ANKIB1: variants seen among roughly 807,000 people sequenced by gnomAD.
ANKIB1 encodes ankyrin repeat and IBR domain containing 1.
Under a neutral mutation model 122.1 loss-of-function variants are expected in ANKIB1, and 43 were observed. The ratio of observed to expected loss-of-function variants is 0.35; its 90% CI spans 0.28 to 0.45. The LOEUF is 0.45. ANKIB1 is among the 20% of genes least tolerant of loss of function. ANKIB1 has a pLI of 1.00. For missense variants in ANKIB1, 992 were observed against 1,329.5 expected (o/e 0.75, Z 3.95); for synonymous variants, 390 against 442.0 (o/e 0.88, Z 1.48).
Position 92,380,852 on chromosome 7 carries a change from C to T in ANKIB1, c.1618-5657C>T, listed in dbSNP as rs187399925. 2.5e-3 allele frequency among the ~76,000 whole-genome samples: 374 copies of T among 152,318 alleles called. 2 individuals are homozygous for T. Among genetic ancestry groups the T allele is most frequent in the Non-Finnish European group, 4.6e-3 (310 of 68,030 alleles). ...TAAAAACCAGAGCGCCCCATCTCCT[C>T]CAGAGGATTGCAGCTCCTCGCCAGC... is the stretch of plus-strand genomic sequence containing the variant. On this transcript the variant is annotated intron_variant, in intron 11 of 19. Coordinates refer to ENST00000265742, the MANE Select transcript of ANKIB1 (RefSeq NM_019004.2).
At chr7:92,266,356 G>A (rs971181279) in intron 1 of ANKIB1, among the ~76,000 whole-genome samples, 1 of 152,166 alleles carries the variant, frequency 6.6e-6, no homozygotes, top group African/African-American at 2.4e-5. Context: ...ATTACCTACT[G>A]AGGGGAAAAG....
intron 7 of ANKIB1, among the ~76,000 whole-genome samples, chr7:92,347,200 A>G (rs774654368): frequency 1.3e-5 from 2 of 152,224 alleles, no homozygotes; most frequent in African/African-American, 2.4e-5. Flanking sequence ...ACAGTGGCCC[A>G]CAGGCTGCAT....
At chr7:92,259,846 TCTC>T (rs1801523387) in intron 1 of ANKIB1, among the ~76,000 whole-genome samples, 1 of 152,104 alleles carries the variant, frequency 6.6e-6, no homozygotes, top group South Asian at 2.1e-4. Flanking sequence ...ATTTTTGTCT[TCTC>T]TCTCACTTCT....
chr7:92,311,761 T>C (rs534525823), intron 3 of ANKIB1, among the ~76,000 whole-genome samples: 1 of 151,848 alleles, frequency 6.6e-6, no homozygotes, highest in East Asian at 1.9e-4. Flanking sequence ...TTAAAACCCC[T>C]TAATTATAGA....
Position 92,294,990 on chromosome 7 carries a change from A to C in ANKIB1, c.12A>C (p.Thr4=). 6 of 1,598,296 alleles carry C rather than the reference A, an allele frequency of 3.8e-6. No homozygotes were observed. Among genetic ancestry groups the C allele is most frequent in the Non-Finnish European group, 5.1e-6 (6 of 1,172,118 alleles). MGN[T]TTKFRKALIN... The stretch of plus-strand genomic sequence containing the variant: ...AAACAAAACAAAACATGGGAAATAC[A>C]ACCACCAAATTCCGTAAAGCACTCA... The change falls in exon 2 of 20, where the codon ACA becomes ACC. Residue 4 remains threonine (T), a synonymous_variant. Coordinates refer to ENST00000265742, the MANE Select transcript of ANKIB1 (RefSeq NM_019004.2).
At chr7:92,370,508 C>CAAAAAAAAAAAA (rs34318038) in intron 10 of ANKIB1, among the ~76,000 whole-genome samples, 1 of 32,966 alleles carries the variant, frequency 3.0e-5, no homozygotes, top group Non-Finnish European at 7.5e-5. Context: ...ACTCTTGTCT[C>CAAAAAAAAAAAA]AAAAAAAAAA....
intron 3 of ANKIB1, among the ~76,000 whole-genome samples, chr7:92,309,938 A>ATAT (rs961914373): frequency 2.4e-4 from 27 of 112,578 alleles, no homozygotes; most frequent in East Asian, 7.6e-4. Flanking sequence ...AAAAAAAAAA[A>ATAT]AAAAATATAT....
chr7:92,307,253 CA>C lies in ANKIB1; in HGVS notation c.189-105del, dbSNP rs999199595. ...AGACCCTCAGTATAAATTGGATTAT[CA>C]GCTTAGAAGTAGAGTTTATCTTTTA... is the stretch of plus-strand genomic sequence containing the variant. On this transcript the variant is annotated intron_variant, in intron 2 of 19. Transcript: ENST00000265742. The C allele has an allele frequency of 6.9e-6, 8 of 1,154,368 alleles. No individual in the cohort carries two copies. In the African/African-American group the frequency reaches 9.4e-5, roughly 14 times the overall value. The allele number at this position is 1,154,368 out of a possible 1,614,324, so 71.5% of individuals were successfully genotyped here.
chr7:92,284,798 G>C (rs1802083831), intron 1 of ANKIB1, among the ~76,000 whole-genome samples: 1 of 152,166 alleles, frequency 6.6e-6, no homozygotes, highest in Non-Finnish European at 1.5e-5. Flanking sequence ...GTAGAGATTA[G>C]ATGTTTGGTA....
intron 1 of ANKIB1, among the ~76,000 whole-genome samples, chr7:92,282,180 C>A (rs560571002): frequency 6.0e-4 from 91 of 151,872 alleles, no homozygotes; most frequent in Admixed American, 2.1e-3. Context: ...TTTTTTGAGA[C>A]AGGGTCTCTG....
chr7:92,318,104 A>G (rs1279713610), intron 3 of ANKIB1, among the ~76,000 whole-genome samples: 5 of 152,206 alleles, frequency 3.3e-5, no homozygotes, highest in Non-Finnish European at 7.3e-5. Context: ...CTGAGATACA[A>G]TAATACCCCT....
chr7:92,246,252 A>C lies in ANKIB1; in HGVS notation c.-358A>C. 1 of 386,856 alleles carries C rather than the reference A, an allele frequency of 2.6e-6. No individual in the cohort carries two copies. Among genetic ancestry groups the C allele is most frequent in the South Asian group, 1.8e-5 (1 of 55,700 alleles). 24.0% of individuals were successfully genotyped at this position (386,856 alleles called of 1,614,324 possible). The stretch of plus-strand genomic sequence containing the variant: ...GAGGCGGCGCAGCGGCCGGAGAGGG[A>C]TGGGGGGCGCCCACCCAGTCTGAGC... On this transcript the variant is annotated 5_prime_UTR_variant, in exon 1 of 20. The change abolishes an upstream ATG in the 5' untranslated region. Transcript: ENST00000265742.
chr7:92,325,681 G>A (rs577307156), intron 4 of ANKIB1, among the ~76,000 whole-genome samples: 1 of 151,178 alleles, frequency 6.6e-6, no homozygotes, highest in African/African-American at 2.4e-5. Context: ...ATAGGGAGGG[G>A]AGGCTATTTT....
chr7:92,376,752 C>T (rs1804391708), intron 11 of ANKIB1, among the ~76,000 whole-genome samples: 1 of 151,940 alleles, frequency 6.6e-6, no homozygotes, highest in Admixed American at 6.6e-5. Context: ...CCCGGCCTAC[C>T]TTGCACTTTT....
chr7:92,379,811 C>T (rs1180706813), intron 11 of ANKIB1, among the ~76,000 whole-genome samples: 1 of 152,190 alleles, frequency 6.6e-6, no homozygotes. Context: ...CAGCCCCAGT[C>T]TGTAGCTCCA....
intron 5 of ANKIB1, among the ~76,000 whole-genome samples, chr7:92,334,550 TAAGAG>T (rs556029836): frequency 1.4e-3 from 215 of 152,032 alleles, no homozygotes; most frequent in South Asian, 2.1e-3. Context: ...TAAAATAAAT[TAAGAG>T]AAGAACAAAG....
intron 10 of ANKIB1, among the ~76,000 whole-genome samples, chr7:92,368,075 G>A (rs1804135410): frequency 6.6e-6 from 1 of 152,026 alleles, no homozygotes; most frequent in Non-Finnish European, 1.5e-5. Context: ...AGGATCTCTT[G>A]AGCCCAGAAG....
chr7:92,286,005 T>C (rs148986727), intron 1 of ANKIB1, among the ~76,000 whole-genome samples: 1 of 152,338 alleles, frequency 6.6e-6, no homozygotes, highest in Admixed American at 6.5e-5. Flanking sequence ...GGAGGTTTTA[T>C]AGAAGGTAAT....
chr7:92,347,196 G>A (rs960475876), intron 7 of ANKIB1, among the ~76,000 whole-genome samples: 2 of 152,116 alleles, frequency 1.3e-5, no homozygotes, highest in African/African-American at 4.8e-5. Flanking sequence ...TCCAACAGTG[G>A]CCCACAGGCT....
Sources: allele counts gnomAD v4.1 joint callset (sites outside exome capture counted in the v4.1 genomes callset), GRCh38; gene constraint gnomAD v4.1.1; transcripts MANE v1.5; gene names NCBI Gene and HGNC (gene_info 2026-07-23, HGNC 2026-07-21).